Variants in SNTG1 observed in about 807,000 individuals in gnomAD.
SNTG1 encodes gamma-1-syntrophin.
Under a neutral mutation model 74.7 loss-of-function variants are expected in SNTG1, and 39 were observed. The ratio of observed to expected loss-of-function variants is 0.52; its 90% confidence interval spans 0.40 to 0.68. The LOEUF (loss-of-function observed/expected upper bound fraction) is 0.68, where lower values mean the gene tolerates loss of function less well. SNTG1 is among the 30% of genes least tolerant of loss of function. The probability of loss-of-function intolerance (pLI) is 0.00; values close to 1 mark genes in which losing one functional copy is unlikely to be tolerated. For synonymous variants in SNTG1, 254 were observed against 217.1 expected (o/e 1.17, Z -1.49); for missense variants, 685 against 609.5 (o/e 1.12, Z -1.30).
intron 4 of SNTG1, among the ~76,000 whole-genome samples, chr8:50,424,098 C>T (rs1052854374): frequency 1.3e-5 from 2 of 152,054 alleles, no homozygotes; most frequent in African/African-American, 4.8e-5. Context: ...ATGATGTTTG[C>T]TTTTGGAATG....
intron 1 of SNTG1, among the ~76,000 whole-genome samples, chr8:49,990,704 G>T (rs1043208915): frequency 6.6e-6 from 1 of 152,010 alleles, no homozygotes; most frequent in Non-Finnish European, 1.5e-5. Flanking sequence ...CATTTTAATG[G>T]AGAAAGAAGT....
chr8:50,193,870 T>C (rs1198454019), intron 2 of SNTG1, among the ~76,000 whole-genome samples: 1 of 152,144 alleles, frequency 6.6e-6, no homozygotes, highest in Non-Finnish European at 1.5e-5. Context: ...GCTGAGAGTT[T>C]TAATCATAAA....
At chr8:50,653,196 C>T (rs563764890) in intron 13 of SNTG1, among the ~76,000 whole-genome samples, 4 of 151,954 alleles carry the variant, frequency 2.6e-5, no homozygotes, top group Non-Finnish European at 1.5e-5. Context: ...GCAATCCCAG[C>T]ACTTTAAAAG....
chr8:49,979,331 G>C (rs1326226859), intron 1 of SNTG1, among the ~76,000 whole-genome samples: 1 of 152,360 alleles, frequency 6.6e-6, no homozygotes, highest in South Asian at 2.1e-4. Context: ...GATGGGCCCA[G>C]ACTGTCCTAC....
At chr8:50,183,619 T>C (rs1388818441) in intron 2 of SNTG1, among the ~76,000 whole-genome samples, 2 of 152,162 alleles carry the variant, frequency 1.3e-5, no homozygotes, top group African/African-American at 2.4e-5. Context: ...TGCCTTTCTC[T>C]CCTTCCCACA....
intron 1 of SNTG1, among the ~76,000 whole-genome samples, chr8:49,934,143 A>T (rs1807833718): frequency 6.6e-6 from 1 of 152,100 alleles, no homozygotes; most frequent in African/African-American, 2.4e-5. Flanking sequence ...ATAAACCTAA[A>T]TTTGACTGGG....
chr8:50,054,512 C>A (rs1819860479), intron 1 of SNTG1, among the ~76,000 whole-genome samples: 1 of 152,088 alleles, frequency 6.6e-6, no homozygotes, highest in South Asian at 2.1e-4. Flanking sequence ...ACCATAAACT[C>A]TTTCCATCTT....
intron 2 of SNTG1, among the ~76,000 whole-genome samples, chr8:50,379,028 AT>A (rs1459400658): frequency 1.3e-5 from 2 of 152,144 alleles, no homozygotes; most frequent in Admixed American, 1.3e-4. Flanking sequence ...ACCTGTCTGC[AT>A]TCTGCAGCTG....
chr8:50,455,439 T>A (rs1464432382), intron 8 of SNTG1, among the ~76,000 whole-genome samples: 2 of 152,246 alleles, frequency 1.3e-5, no homozygotes, highest in Admixed American at 6.5e-5. Flanking sequence ...AGTCATGATT[T>A]TGAACTAAAC....
In SNTG1 at chr8:50,123,243, C is replaced by T. The variant is rs890675800; in HGVS notation, c.-102-49318C>T. On this transcript the variant is annotated intron_variant, in intron 1 of 18. Coordinates refer to ENST00000642720, the MANE Select transcript of SNTG1 (RefSeq NM_018967.5). ...GGCTGATGGTAATTATTGTACCGCT[C>T]AGTGCTCCAACACACAATTACATCG... Among the ~76,000 whole-genome samples, 3 of 143,006 alleles carry T rather than the reference C, an allele frequency of 2.1e-5. 1 individual carries two copies. The highest frequency in any genetic ancestry group is 4.7e-5 in the Non-Finnish European group (3 of 64,052). The allele number at this position is 143,006 out of a possible 152,430, so 93.8% of individuals were successfully genotyped here.
chr8:50,504,394 G>GTAT (rs1235156698), intron 9 of SNTG1, among the ~76,000 whole-genome samples: 1 of 152,162 alleles, frequency 6.6e-6, no homozygotes, highest in African/African-American at 2.4e-5. Flanking sequence ...GAAGCTTCTT[G>GTAT]TATAAGGCTT....
chr8:49,976,973 C>T (rs1730756599), intron 1 of SNTG1, among the ~76,000 whole-genome samples: 1 of 152,084 alleles, frequency 6.6e-6, no homozygotes, highest in African/African-American at 2.4e-5. Flanking sequence ...CAGAGGCTGA[C>T]AATTTGCAGC....
intron 1 of SNTG1, among the ~76,000 whole-genome samples, chr8:50,118,880 G>A (rs538086355): frequency 4.2e-5 from 6 of 141,534 alleles, no homozygotes; most frequent in African/African-American, 1.5e-4. Flanking sequence ...TGGAGGTAGA[G>A]TAATGGGATC....
At chr8:49,981,850 T>G (rs1312456641) in intron 1 of SNTG1, among the ~76,000 whole-genome samples, 1 of 152,186 alleles carries the variant, frequency 6.6e-6, no homozygotes, top group Non-Finnish European at 1.5e-5. Flanking sequence ...TCAGAGTATG[T>G]AGACTTTCTA....
intron 18 of SNTG1, among the ~76,000 whole-genome samples, chr8:50,781,892 T>C (rs1026121989): frequency 1.3e-5 from 2 of 152,212 alleles, no homozygotes; most frequent in South Asian, 2.1e-4. Flanking sequence ...TCTTTTAGGG[T>C]AGGCCTGGTG....
At chr8:50,454,829 TAA>T (rs1158732952) in intron 8 of SNTG1, among the ~76,000 whole-genome samples, 5,774 of 94,896 alleles carry the variant, frequency 0.061, 163 homozygotes, top group African/African-American at 0.15. Flanking sequence ...CAGACAGAGC[TAA>T]AAAAAAAAAA....
intron 9 of SNTG1, among the ~76,000 whole-genome samples, chr8:50,514,198 T>A (rs2094111857): frequency 6.6e-6 from 1 of 152,202 alleles, no homozygotes; most frequent in South Asian, 2.1e-4. Flanking sequence ...ATTTCTTTTT[T>A]CCACTTTATT....
intron 8 of SNTG1, among the ~76,000 whole-genome samples, chr8:50,489,225 G>A (rs1420004963): frequency 6.6e-6 from 1 of 152,152 alleles, no homozygotes; most frequent in Non-Finnish European, 1.5e-5. Flanking sequence ...GAACAGTGCT[G>A]CAATAAACAT....
intron 8 of SNTG1, among the ~76,000 whole-genome samples, chr8:50,479,740 G>T (rs2093725223): frequency 6.6e-6 from 1 of 151,946 alleles, no homozygotes; most frequent in East Asian, 1.9e-4. Context: ...CATATTGGTG[G>T]TGGTGGGTTT....
Sources: gnomAD v4.1 joint callset for allele counts (sites outside exome capture counted in the v4.1 genomes callset) on GRCh38, gnomAD v4.1.1 for gene constraint, MANE v1.5 for transcripts, NCBI Gene and HGNC (gene_info 2026-07-23, HGNC 2026-07-21) for gene names.